Variants in GMCL1 observed in about 807,000 individuals in gnomAD.
The protein encoded by GMCL1 is germ cell-less 1, spermatogenesis associated, also known as germ cell-less protein-like 1.
GMCL1 carries 54 observed loss-of-function variants against 75.5 expected under a neutral mutation model. The ratio of observed to expected loss-of-function variants is 0.71; its 90% confidence interval spans 0.57 to 0.90. GMCL1 has a LOEUF of 0.90. GMCL1 is among the 40% of genes least tolerant of loss of function. The pLI, the probability that GMCL1 is intolerant of heterozygous loss-of-function variation, is 0.00. For missense variants in GMCL1, 537 were observed against 622.7 expected, an observed-to-expected ratio of 0.86 and a Z score of 1.47; for synonymous variants, 210 against 209.6, an observed-to-expected ratio of 1.00 and a Z score of -0.02.
chr2:69,875,408 C>T (rs905919214), intron 13 of GMCL1, among the ~76,000 whole-genome samples: 3 of 152,006 alleles, frequency 2.0e-5, no homozygotes, highest in African/African-American at 4.8e-5. Flanking sequence ...CGCAAAACCA[C>T]CTTCATTTTT....
At chr2:69,853,170 C>T (rs745409469) in intron 8 of GMCL1, among the ~76,000 whole-genome samples, 7 of 152,154 alleles carry the variant, frequency 4.6e-5, no homozygotes, top group Non-Finnish European at 1.0e-4. Context: ...TGTGACAGAA[C>T]ACTTGTAAAA....
Position 69,871,855 on chromosome 2 carries a change from A to G in GMCL1, c.1452+23A>G, listed in dbSNP as rs775510625. 9 of 1,325,592 alleles carry G rather than the reference A, an allele frequency of 6.8e-6. No individual in the cohort carries two copies. In the Admixed American group the frequency reaches 1.2e-4, roughly 18 times the overall value. The allele number at this position is 1,325,592 out of a possible 1,614,324, so 82.1% of individuals were successfully genotyped here. Reference sequence around the variant, plus strand: ...CAGGTATGTTCGATTATCTTCTGGTATGTCATCATAATATTTGTCTTTTGA... The same window carrying G: ...CAGGTATGTTCGATTATCTTCTGGTGTGTCATCATAATATTTGTCTTTTGA... On this transcript the variant is annotated intron_variant, in intron 13 of 13. Transcript: ENST00000282570.
Position 69,879,168 on chromosome 2 carries a change from C to G in GMCL1, c.*164C>G. 1 of 553,138 alleles carries G rather than the reference C, an allele frequency of 1.8e-6. No individual in the cohort carries two copies. The highest frequency in any genetic ancestry group is 3.2e-6 in the Non-Finnish European group (1 of 309,230). 34.3% of individuals were successfully genotyped at this position (553,138 alleles called of 1,614,324 possible). A position where few individuals can be genotyped will look rare whatever the true frequency, so the allele number is the denominator to read the frequency against. On this transcript the variant is annotated 3_prime_UTR_variant, in exon 14 of 14. Coordinates refer to ENST00000282570, the MANE Select transcript of GMCL1 (RefSeq NM_178439.5). The stretch of plus-strand genomic sequence containing the variant: ...GGCCTTATGAACTGTACAGACAATA[C>G]AGAAGATTATTCTTATCCTCATTGC...
rs187025540 is a variant in GMCL1 at position 69,867,512 on chromosome 2, G to A, written c.1219-2207G>A. On this transcript the variant is annotated intron_variant, in intron 11 of 13. Transcript: ENST00000282570. ...CCAACAATTTTTTAACTCCATTCTG[G>A]ATATACAATACATTGTTTTTACAAC... Among the ~76,000 whole-genome samples, 137 of 152,138 alleles carry A rather than the reference G, an allele frequency of 9.0e-4. 1 individual carries two copies. Among genetic ancestry groups the A allele is most frequent in the Non-Finnish European group, 1.2e-3 (83 of 67,992 alleles).
At chr2:69,871,324 A>G (rs1377668223) in intron 12 of GMCL1, among the ~76,000 whole-genome samples, 1 of 152,194 alleles carries the variant, frequency 6.6e-6, no homozygotes, top group Non-Finnish European at 1.5e-5. Context: ...AGACAAATTC[A>G]TAGGTACAGA....
chr2:69,847,626 A>G lies in GMCL1; in HGVS notation c.842A>G (p.Lys281Arg). 6.3e-7 allele frequency: 1 copy of G among 1,586,082 alleles called. No homozygotes were observed. The highest frequency in any genetic ancestry group is 8.7e-7 in the Non-Finnish European group (1 of 1,155,208). The change falls in exon 7 of 14, where the codon AAG becomes AGG. Residue 281 changes from lysine (K) to arginine (R), a missense_variant and splice_region_variant. Coordinates refer to ENST00000282570, the MANE Select transcript of GMCL1 (RefSeq NM_178439.5). ...VEMDIYTALK[K>R]WMFLQLVPSW... The stretch of plus-strand genomic sequence containing the variant: ...ATGGATATATACACTGCTCTAAAAA[A>G]GGTACTGACGTAATATGATGTCATA...
intron 1 of GMCL1, among the ~76,000 whole-genome samples, chr2:69,834,523 A>G (rs1306687803): frequency 1.3e-5 from 2 of 152,226 alleles, no homozygotes; most frequent in African/African-American, 4.8e-5. Flanking sequence ...AATCTAAAGT[A>G]ACTTTCTTCA....
At chr2:69,848,449 G>A (rs1280300633) in intron 7 of GMCL1, among the ~76,000 whole-genome samples, 1 of 152,246 alleles carries the variant, frequency 6.6e-6, no homozygotes, top group Non-Finnish European at 1.5e-5. Context: ...GCTTACGCCT[G>A]TAATCCCAGC....
chr2:69,833,260 T>A (rs1674725356), intron 1 of GMCL1, among the ~76,000 whole-genome samples: 1 of 152,214 alleles, frequency 6.6e-6, no homozygotes, highest in South Asian at 2.1e-4. Flanking sequence ...GAATTTAGTG[T>A]CTGTATATTA....
intron 6 of GMCL1, among the ~76,000 whole-genome samples, chr2:69,846,958 G>T (rs1038250641): frequency 6.6e-6 from 1 of 150,752 alleles, no homozygotes; most frequent in Non-Finnish European, 1.5e-5. Context: ...TCAGCCTCCC[G>T]AGTAGCTGGG....
intron 10 of GMCL1, among the ~76,000 whole-genome samples, chr2:69,863,658 G>A (rs182410080): frequency 5.9e-5 from 9 of 152,230 alleles, no homozygotes; most frequent in East Asian, 5.8e-4. Context: ...GTAGTTTTTC[G>A]TAACAAAAAG....
chr2:69,880,627 A>C lies in GMCL1; in HGVS notation c.*1623A>C, dbSNP rs1676250822. ...GAGGCCGAGGCAGGCAGATCATCTGAGGTCAGGAGTTTAAGATCAGCCATG... is the reference window on the plus strand; with the variant it reads ...GAGGCCGAGGCAGGCAGATCATCTGCGGTCAGGAGTTTAAGATCAGCCATG... On this transcript the variant is annotated 3_prime_UTR_variant, in exon 14 of 14. Transcript: ENST00000282570. 6.6e-6 allele frequency: 1 copy of C among 152,250 alleles called. No homozygotes were observed. The highest frequency in any genetic ancestry group is 2.4e-5 in the African/African-American group (1 of 41,428). 9.4% of individuals were successfully genotyped at this position (152,250 alleles called of 1,614,324 possible).
chr2:69,851,467 G>A (rs576316599), intron 8 of GMCL1, among the ~76,000 whole-genome samples: 2 of 152,088 alleles, frequency 1.3e-5, no homozygotes, highest in African/African-American at 2.4e-5. Flanking sequence ...AAAATTAGCC[G>A]GGTATGGTGG....
At chr2:69,844,299 A>G (rs570177724) in intron 6 of GMCL1, 103 bp downstream of exon 6, 6 of 626,852 alleles carry the variant, frequency 9.6e-6, no homozygotes, top group African/African-American at 5.7e-5. Flanking sequence ...TATATTATGA[A>G]AAAGCAAACA....
At chr2:69,849,863 A>T in intron 8 of GMCL1, 121 bp downstream of exon 8, 1 of 529,516 alleles carries the variant, frequency 1.9e-6, no homozygotes, top group Non-Finnish European at 3.2e-6. Context: ...ACTTGTTTAT[A>T]GACTTAATTT....
intron 1 of GMCL1, among the ~76,000 whole-genome samples, chr2:69,834,306 A>G (rs550646749): frequency 7.0e-4 from 106 of 152,066 alleles, no homozygotes; most frequent in Non-Finnish European, 4.3e-4. Context: ...GGATTTGTCT[A>G]CTCTTATGCT....
intron 8 of GMCL1, among the ~76,000 whole-genome samples, chr2:69,853,138 T>G (rs1288373672): frequency 6.6e-6 from 1 of 152,236 alleles, no homozygotes; most frequent in African/African-American, 2.4e-5. Context: ...CAATCCAGAA[T>G]TAGATTTTTA....
In GMCL1 at chr2:69,869,759, T is replaced by C. The variant is rs1350979065; in HGVS notation, c.1259T>C (p.Leu420Pro). 2 of 1,614,134 alleles carry C rather than the reference T, an allele frequency of 1.2e-6. No homozygotes were observed. Among genetic ancestry groups the C allele is most frequent in the Admixed American group, 1.7e-5 (1 of 60,014 alleles). Residue 420 changes from leucine to proline, a missense_variant, in exon 12 of 14, where the codon CTA (leucine) becomes CCA (proline). Leu to Pro is a moderately conservative substitution (Grantham distance 98, BLOSUM62 -3). Transcript: ENST00000282570. Reference sequence around the variant, plus strand: ...ACAGGTTTTAACTTCGGCTTCGACCTACTTGTAACTTACACCAATCGATAC... The same window carrying C: ...ACAGGTTTTAACTTCGGCTTCGACCCACTTGTAACTTACACCAATCGATAC... ...RWTGFNFGFD[L>P]LVTYTNRYII...
intron 13 of GMCL1, among the ~76,000 whole-genome samples, chr2:69,876,075 A>T (rs1012041215): frequency 6.6e-6 from 1 of 152,178 alleles, no homozygotes; most frequent in African/African-American, 2.4e-5. Context: ...TGATTTTTGT[A>T]TATTTATTTT....
Sources: allele counts gnomAD v4.1 joint callset (sites outside exome capture counted in the v4.1 genomes callset), GRCh38; gene constraint gnomAD v4.1.1; transcripts MANE v1.5; gene names NCBI Gene and HGNC (gene_info 2026-07-23, HGNC 2026-07-21).